Variants in XKR6 observed in about 807,000 individuals in gnomAD.
XKR6 encodes the protein XK-related protein 6.
A neutral mutation model predicts 56.7 loss-of-function variants in XKR6; 22 were observed. The ratio of observed to expected loss-of-function variants is 0.39; its 90% CI spans 0.28 to 0.55. XKR6 has a LOEUF of 0.55. Among genes scored for constraint, XKR6 ranks in the 20% least tolerant of loss-of-function variants. The pLI is 0.66. For missense variants in XKR6, 852 were observed against 889.0 expected, an observed-to-expected ratio of 0.96 and a Z score of 0.53; for synonymous variants, 524 against 387.8, an observed-to-expected ratio of 1.35 and a Z score of -4.13.
intron 2 of XKR6, among the ~76,000 whole-genome samples, chr8:10,900,366 G>A (rs17152673): frequency 0.077 from 11,689 of 152,186 alleles, 1,510 homozygotes; most frequent in African/African-American, 0.27. Flanking sequence ...TGAAGAATCC[G>A]AGTTCTCTGC....
Position 11,201,477 on chromosome 8 carries a change from G to A in XKR6, c.-138C>T, listed in dbSNP as rs1804244075. On this transcript the variant is annotated 5_prime_UTR_variant, in exon 1 of 3. Transcript: ENST00000416569. Reference sequence around the variant, plus strand: ...GGAAGCGGGGGAGCAAACGAACGAGGGGGGAGTGGGCCAGGGAACCCCCTC... The same window carrying A: ...GGAAGCGGGGGAGCAAACGAACGAGAGGGGAGTGGGCCAGGGAACCCCCTC... 2 of 573,734 alleles carry A rather than the reference G, an allele frequency of 3.5e-6. No individual in the cohort carries two copies. The highest frequency in any genetic ancestry group is 3.3e-5 in the East Asian group (1 of 29,922). 35.5% of individuals were successfully genotyped at this position (573,734 alleles called of 1,614,324 possible).
At chr8:10,977,286 A>T (rs1802595175) in intron 1 of XKR6, among the ~76,000 whole-genome samples, 1 of 151,840 alleles carries the variant, frequency 6.6e-6, no homozygotes, top group African/African-American at 2.4e-5. Flanking sequence ...AAGCCCTAGA[A>T]CCCATGCCTC....
chr8:10,924,043 T>C (rs543842820), intron 2 of XKR6, among the ~76,000 whole-genome samples: 1 of 152,312 alleles, frequency 6.6e-6, no homozygotes, highest in Non-Finnish European at 1.5e-5. Flanking sequence ...GGATGATCCT[T>C]CTTGCCCATG....
rs1799713261 is a variant in XKR6 at position 11,057,442 on chromosome 8, G to A, written c.765-132612C>T. ...TTTCGAATGAATGAATGAACAAATGGACGAGAAGTGACATTTGTCCAGTAG... is the reference window on the plus strand; with the variant it reads ...TTTCGAATGAATGAATGAACAAATGAACGAGAAGTGACATTTGTCCAGTAG... On this transcript the variant is annotated intron_variant, in intron 1 of 2. Coordinates refer to ENST00000416569, the MANE Select transcript of XKR6 (RefSeq NM_173683.4). Among the ~76,000 whole-genome samples the A allele has an allele frequency of 2.0e-5, 3 of 152,236 alleles. No individual in the cohort carries two copies. In the South Asian group the frequency reaches 6.2e-4, roughly 32 times the overall value.
intron 1 of XKR6, among the ~76,000 whole-genome samples, chr8:10,967,141 T>C (rs918757681): frequency 3.9e-5 from 6 of 152,174 alleles, no homozygotes; most frequent in African/African-American, 1.2e-4. Flanking sequence ...TCCTCGGATA[T>C]AGAGACCCCT....
intron 1 of XKR6, chr8:11,174,917 T>C (rs1411538690): frequency 6.6e-6 from 1 of 152,212 alleles, no homozygotes; most frequent in Non-Finnish European, 1.5e-5. Flanking sequence ...CACAGTAATT[T>C]AGAATTACTA....
At chr8:10,943,890 C>T (rs111688989) in intron 1 of XKR6, among the ~76,000 whole-genome samples, 136 of 152,254 alleles carry the variant, frequency 8.9e-4, no homozygotes, top group African/African-American at 3.2e-3. Context: ...CAGATGAGGA[C>T]ACCTTGAGGA....
chr8:10,971,098 T>G (rs999571428), intron 1 of XKR6, among the ~76,000 whole-genome samples: 1 of 151,428 alleles, frequency 6.6e-6, no homozygotes, highest in Non-Finnish European at 1.5e-5. Flanking sequence ...TTCTGTATTC[T>G]TTTCAGTTTC....
intron 1 of XKR6, among the ~76,000 whole-genome samples, chr8:11,031,371 G>A (rs1798989677): frequency 6.6e-6 from 1 of 152,194 alleles, no homozygotes; most frequent in Non-Finnish European, 1.5e-5. Flanking sequence ...AGCCCAGTGG[G>A]TTCTCTTCAA....
Position 11,200,434 on chromosome 8 carries a change from G to C in XKR6, c.764+142C>G, listed in dbSNP as rs1804145597. 5 of 1,145,650 alleles carry C rather than the reference G, an allele frequency of 4.4e-6. No individual in the cohort carries two copies. Among genetic ancestry groups the C allele is most frequent in the Non-Finnish European group, 5.7e-6 (5 of 882,490 alleles). 71.0% of individuals were successfully genotyped at this position (1,145,650 alleles called of 1,614,324 possible). A position where few individuals can be genotyped will look rare whatever the true frequency, so the allele number is the denominator to read the frequency against. On this transcript the variant is annotated intron_variant, in intron 1 of 2. Coordinates refer to ENST00000416569, the MANE Select transcript of XKR6 (RefSeq NM_173683.4). This position sits in a 1 kb window ranked among gnomAD's most constrained non-coding sequence, Gnocchi z 6.4. Reference sequence around the variant, plus strand: ...ATCCAGATCAAACGCCGGTCTTTTGGAGACGCCAGGGGCGGCGCGCGGCCG... The same window carrying C: ...ATCCAGATCAAACGCCGGTCTTTTGCAGACGCCAGGGGCGGCGCGCGGCCG...
chr8:11,179,671 G>A (rs1167657238), intron 1 of XKR6, among the ~76,000 whole-genome samples: 2 of 152,104 alleles, frequency 1.3e-5, no homozygotes, highest in South Asian at 4.2e-4. Context: ...AGGTGCTCTT[G>A]GCCCAATTGC....
Position 10,975,303 on chromosome 8 carries a change from C to T in XKR6, c.765-50473G>A, listed in dbSNP as rs563907468. Among the ~76,000 whole-genome samples, 148 of 152,328 alleles carry T rather than the reference C, an allele frequency of 9.7e-4. 2 individuals are homozygous for T. The highest frequency in any genetic ancestry group is 3.4e-3 in the African/African-American group (141 of 41,568). On this transcript the variant is annotated intron_variant, in intron 1 of 2. Coordinates refer to ENST00000416569, the MANE Select transcript of XKR6 (RefSeq NM_173683.4). ...CACCCAGCCTTCAGGAGGCTTCGAG[C>T]GACTTCTCCAAGCAAAGAACACAGT... is the stretch of plus-strand genomic sequence containing the variant.
chr8:11,110,317 C>T (rs569042636), intron 1 of XKR6, among the ~76,000 whole-genome samples: 7 of 152,156 alleles, frequency 4.6e-5, no homozygotes, highest in Non-Finnish European at 7.3e-5. Flanking sequence ...ATATTAAATA[C>T]ATTACCAGCC....
At chr8:10,899,275 C>T (rs138427919) in intron 2 of XKR6, among the ~76,000 whole-genome samples, 3 of 152,328 alleles carry the variant, frequency 2.0e-5, no homozygotes, top group East Asian at 1.9e-4. Flanking sequence ...CACAGATGTG[C>T]GGCTGGCATT....
intron 2 of XKR6, among the ~76,000 whole-genome samples, chr8:10,909,914 G>T (rs565275294): frequency 9.2e-5 from 14 of 151,986 alleles, no homozygotes; most frequent in Admixed American, 6.6e-4. Flanking sequence ...GCTCAGGGAG[G>T]TAAAAGAATT....
intron 1 of XKR6, among the ~76,000 whole-genome samples, chr8:11,123,197 A>C (rs1160976740): frequency 3.4e-5 from 5 of 148,602 alleles, no homozygotes; most frequent in Admixed American, 1.4e-4. Flanking sequence ...AGATTGTGCC[A>C]CTGCACTCCA....
rs113306925 is a variant in XKR6 at position 11,163,258 on chromosome 8, T to G, written c.764+37318A>C. On this transcript the variant is annotated intron_variant, in intron 1 of 2. Coordinates refer to ENST00000416569, the MANE Select transcript of XKR6 (RefSeq NM_173683.4). ...TAAACATGAGCAGATTTTAAACATA[T>G]AGTTTTGCATAAAGTATAAGCATTG... Among the ~76,000 whole-genome samples the G allele has an allele frequency of 1.2e-4, 18 of 152,340 alleles. No individual in the cohort carries two copies. The South Asian group carries it at 3.7e-3, about 32-fold the overall frequency.
At chr8:11,149,637 C>T (rs571918319) in intron 1 of XKR6, among the ~76,000 whole-genome samples, 2 of 152,034 alleles carry the variant, frequency 1.3e-5, no homozygotes, top group East Asian at 3.9e-4. Flanking sequence ...CCCACTGTTA[C>T]TGTTGCTGAG....
chr8:11,044,421 C>T (rs6983680), intron 1 of XKR6, among the ~76,000 whole-genome samples: 52,901 of 152,052 alleles, frequency 0.35, 11,365 homozygotes, highest in African/African-American at 0.61. Context: ...AGTGGTTGCA[C>T]TTCCCGCCTG....
Sources: gnomAD v4.1 joint callset for allele counts (sites outside exome capture counted in the v4.1 genomes callset) on GRCh38, gnomAD v4.1.1 for gene constraint, Gnocchi (gnomAD v3.1) non-coding constraint, MANE v1.5 for transcripts, NCBI Gene and HGNC (gene_info 2026-07-23, HGNC 2026-07-21) for gene names.